The following FBXL5 variants were observed in gnomAD, a reference collection of about 807,000 sequenced individuals.
FBXL5 encodes F-box and leucine rich repeat protein 5.
In FBXL5, 26 loss-of-function variants were observed where a neutral mutation model predicts 78.3. The ratio of observed to expected loss-of-function variants is 0.33; its 90% CI spans 0.24 to 0.46. The LOEUF (loss-of-function observed/expected upper bound fraction) is 0.46, where lower values mean the gene tolerates loss of function less well. FBXL5 is among the 20% of genes least tolerant of loss of function. FBXL5 has a pLI of 1.00. For missense variants in FBXL5, 710 were observed against 829.2 expected (o/e 0.86, Z 1.77); for synonymous variants, 295 against 282.5 (o/e 1.04, Z -0.45).
At chr4:15,630,887 G>T in intron 5 of FBXL5, 96 bp from the exon 6 acceptor site, 1 of 1,483,450 alleles carries the variant, frequency 6.7e-7, no homozygotes, top group Non-Finnish European at 9.1e-7. Flanking sequence ...TCTCTACAAA[G>T]AGAAAACATC....
At chr4:15,650,070 C>A (rs1224496417) in intron 1 of FBXL5, among the ~76,000 whole-genome samples, 1 of 152,162 alleles carries the variant, frequency 6.6e-6, no homozygotes. Flanking sequence ...CACCCCACTA[C>A]CCATCCCCCA....
intron 10 of FBXL5, among the ~76,000 whole-genome samples, chr4:15,608,918 T>C (rs959724393): frequency 2.6e-5 from 4 of 152,182 alleles, no homozygotes; most frequent in African/African-American, 2.4e-5. Context: ...CAGTATCACA[T>C]TGTAGAAAAC....
intron 9 of FBXL5, among the ~76,000 whole-genome samples, chr4:15,622,129 A>C (rs1239774873): frequency 1.3e-5 from 2 of 152,170 alleles, no homozygotes; most frequent in African/African-American, 4.8e-5. Context: ...CATCACACCC[A>C]GCCTCAATGC....
intron 1 of FBXL5, among the ~76,000 whole-genome samples, chr4:15,678,819 C>T (rs1718088858): frequency 6.6e-6 from 1 of 152,006 alleles, no homozygotes; most frequent in Non-Finnish European, 1.5e-5. Context: ...CATTATCTTC[C>T]TTCTGTTTGG....
At chr4:15,673,023 A>C (rs1309577209) in intron 1 of FBXL5, among the ~76,000 whole-genome samples, 1 of 152,218 alleles carries the variant, frequency 6.6e-6, no homozygotes, top group African/African-American at 2.4e-5. Context: ...CTTCAAGGGC[A>C]ATAACATGCA....
intron 2 of FBXL5, 97 bp from the exon 3 acceptor site, chr4:15,640,980 GA>G (rs1014527679): frequency 5.5e-4 from 301 of 547,992 alleles, no homozygotes; most frequent in South Asian, 9.9e-4. Context: ...AACCTCCGGG[GA>G]AAAAAAAATA....
At chr4:15,677,611 G>C (rs993530248) in intron 1 of FBXL5, among the ~76,000 whole-genome samples, 2 of 152,162 alleles carry the variant, frequency 1.3e-5, no homozygotes, top group African/African-American at 4.8e-5. Flanking sequence ...GGAAGCTCAA[G>C]GGGCTTCCAA....
intron 1 of FBXL5, among the ~76,000 whole-genome samples, chr4:15,669,726 C>G (rs911001843): frequency 4.6e-5 from 7 of 152,148 alleles, no homozygotes; most frequent in Non-Finnish European, 1.0e-4. Context: ...ATACTCAATA[C>G]TAGTTGGTCA....
Position 15,625,598 on chromosome 4 carries a change from C to G in FBXL5, c.1504G>C (p.Glu502Gln). The G allele has an allele frequency of 3.1e-6, 5 of 1,614,172 alleles. No individual in the cohort carries two copies. Among genetic ancestry groups the G allele is most frequent in the Non-Finnish European group, 4.2e-6 (5 of 1,180,028 alleles). The change falls in exon 9 of 11, where the codon GAA becomes CAA. Residue 502 changes from glutamate (E) to glutamine (Q), a missense_variant. Physicochemically the swap from Glu to Gln is conservative, Grantham distance 29 (BLOSUM62 2). This residue lies in a region of FBXL5 where 517 missense variants were observed against 542.9 expected (regional missense o/e 0.95). Transcript: ENST00000341285. ...GCTGTTTCCATTACACAAAGACTTT[C>G]AACATTTCTATGTCTCCATTCCACA... ...DTVEWRHRNV[E>Q]SLCVMETASN...
intron 2 of FBXL5, 31 bp from the exon 3 acceptor site, chr4:15,640,914 A>G (rs764318716): frequency 1.9e-5 from 24 of 1,247,562 alleles, no homozygotes; most frequent in Middle Eastern, 4.1e-4. Context: ...ACATTTTTAT[A>G]AAAGTTTCGC....
upstream of FBXL5, among the ~76,000 whole-genome samples, chr4:15,657,008 G>A (rs1210934282): frequency 6.7e-6 from 1 of 150,026 alleles, no homozygotes; most frequent in Non-Finnish European, 1.5e-5. Flanking sequence ...TCTGTCTTAA[G>A]AAGCAGGAAT....
chr4:15,668,679 G>C (rs903494176), intron 1 of FBXL5, among the ~76,000 whole-genome samples: 3 of 152,050 alleles, frequency 2.0e-5, no homozygotes, highest in Non-Finnish European at 4.4e-5. Flanking sequence ...AATTAAAAAA[G>C]CTATTTGGAT....
At chr4:15,660,606 C>G (rs2148766241), upstream of FBXL5, among the ~76,000 whole-genome samples, 1 of 152,340 alleles carries the variant, frequency 6.6e-6, no homozygotes, top group East Asian at 1.9e-4. Flanking sequence ...GGGCAAATCA[C>G]TTGGCCATTC....
chr4:15,645,436 C>CTTTTTTTTTTT (rs1018347930), intron 1 of FBXL5, among the ~76,000 whole-genome samples: 1 of 150,950 alleles, frequency 6.6e-6, no homozygotes, highest in Non-Finnish European at 1.5e-5. Context: ...TTCTTTCTTT[C>CTTTTTTTTTTT]TTTTTTTTTG....
chr4:15,654,348 T>C (rs1302556897), intron 1 of FBXL5, among the ~76,000 whole-genome samples: 1 of 152,226 alleles, frequency 6.6e-6, no homozygotes, highest in Non-Finnish European at 1.5e-5. Flanking sequence ...GGAATGTTAA[T>C]ATTGTTTTAA....
intron 7 of FBXL5, among the ~76,000 whole-genome samples, chr4:15,627,558 C>T (rs1019504347): frequency 9.2e-5 from 14 of 152,124 alleles, no homozygotes; most frequent in Non-Finnish European, 1.0e-4. Flanking sequence ...CTCATTTGCC[C>T]ATCTTACCAT....
chr4:15,622,309 C>T (rs1343101188), intron 9 of FBXL5, among the ~76,000 whole-genome samples: 1 of 152,196 alleles, frequency 6.6e-6, no homozygotes, highest in Non-Finnish European at 1.5e-5. Context: ...TTTCCTCAAA[C>T]CTACTGACAC....
intron 9 of FBXL5, among the ~76,000 whole-genome samples, chr4:15,612,636 A>G (rs1722347080): frequency 6.6e-6 from 1 of 152,184 alleles, no homozygotes; most frequent in Non-Finnish European, 1.5e-5. Context: ...AAAGAAATCT[A>G]TAAAACTGTT....
At chr4:15,632,092 A>G (rs1713729312) in intron 5 of FBXL5, among the ~76,000 whole-genome samples, 1 of 152,152 alleles carries the variant, frequency 6.6e-6, no homozygotes, top group Non-Finnish European at 1.5e-5. Flanking sequence ...TAATTTTTGT[A>G]TAAGGTGTAA....
Sources: gnomAD v4.1 joint callset for allele counts (sites outside exome capture counted in the v4.1 genomes callset) on GRCh38, gnomAD v4.1.1 for gene constraint, gnomAD v4.1.1 regional missense constraint, MANE v1.5 for transcripts, NCBI Gene and HGNC (gene_info 2026-07-23, HGNC 2026-07-21) for gene names.